NPAS3: variants seen among roughly 807,000 people sequenced by gnomAD.
NPAS3 encodes neuronal PAS domain protein 3, also known as neuronal PAS domain-containing protein 3.
A neutral mutation model predicts 73.1 loss-of-function variants in NPAS3; 14 were observed. That is an observed-to-expected ratio of 0.19 (90% CI 0.13 to 0.30). The LOEUF is 0.30. NPAS3 is among the 10% of genes least tolerant of loss of function. The pLI is 1.00. For missense variants in NPAS3, 1,096 were observed against 1,250.0 expected (o/e 0.88, Z 1.86); for synonymous variants, 620 against 541.5 (o/e 1.14, Z -2.01).
chr14:33,439,938 AC>A (rs2049165444), intron 4 of NPAS3, among the ~76,000 whole-genome samples: 1 of 151,766 alleles, frequency 6.6e-6, no homozygotes, highest in Non-Finnish European at 1.5e-5. Context: ...ACAGGGTGAA[AC>A]CCCGTCTCTA....
chr14:33,150,502 A>G (rs1190380048), intron 2 of NPAS3, among the ~76,000 whole-genome samples: 3 of 152,206 alleles, frequency 2.0e-5, no homozygotes, highest in African/African-American at 7.2e-5. Context: ...ATCATCTGGG[A>G]AATATTTTGA....
chr14:33,089,879 T>C (rs867435094), intron 2 of NPAS3, among the ~76,000 whole-genome samples: 28 of 152,246 alleles, frequency 1.8e-4, no homozygotes, highest in Middle Eastern at 3.4e-3. Context: ...CAACCTAAAA[T>C]TTCATATCCA....
At chr14:33,164,769 T>A (rs1595585530) in intron 2 of NPAS3, among the ~76,000 whole-genome samples, 1 of 151,918 alleles carries the variant, frequency 6.6e-6, no homozygotes, top group Non-Finnish European at 1.5e-5. Context: ...TACCCAGAGC[T>A]AGTAAGAGGC....
At chr14:32,971,936 C>CTTTTTTTTTTTTTTTTTTTTTTTTT (rs66998179) in intron 1 of NPAS3, among the ~76,000 whole-genome samples, 1 of 112,954 alleles carries the variant, frequency 8.9e-6, no homozygotes, top group Non-Finnish European at 1.8e-5. Flanking sequence ...CAGTGGGACT[C>CTTTTTTTTTTTTTTTTTTTTTTTTT]TTTTTTTTTT....
At chr14:32,945,499 A>T (rs1237833945) in intron 1 of NPAS3, among the ~76,000 whole-genome samples, 1 of 152,148 alleles carries the variant, frequency 6.6e-6, no homozygotes, top group East Asian at 1.9e-4. Context: ...GCATGAGAAA[A>T]TAGAGGTTTA....
chr14:33,288,933 C>T (rs1173270581), intron 3 of NPAS3, among the ~76,000 whole-genome samples: 1 of 152,032 alleles, frequency 6.6e-6, no homozygotes, highest in Admixed American at 6.6e-5. Flanking sequence ...TAGCACAGTG[C>T]CTGGCATATA....
chr14:33,696,878 T>A lies in NPAS3; in HGVS notation c.733+20493T>A, dbSNP rs1014204200. Among the ~76,000 whole-genome samples the A allele has an allele frequency of 7.2e-5, 11 of 152,322 alleles. No homozygotes were observed. In the East Asian group the frequency reaches 2.1e-3, roughly 29 times the overall value. The stretch of plus-strand genomic sequence containing the variant: ...CCCTGCATCTAGAATCTGCTGAACA[T>A]GCGCTGCAAAAGCATTACTTACTTC... On this transcript the variant is annotated intron_variant, in intron 6 of 11. Transcript: ENST00000356141.
chr14:33,609,448 T>A (rs2057682552), intron 5 of NPAS3, among the ~76,000 whole-genome samples: 1 of 152,156 alleles, frequency 6.6e-6, no homozygotes, highest in South Asian at 2.1e-4. Context: ...CATGGGTTAT[T>A]CCCTTTTTCC....
intron 4 of NPAS3, among the ~76,000 whole-genome samples, chr14:33,545,508 G>C (rs1318332505): frequency 6.6e-6 from 1 of 152,198 alleles, no homozygotes; most frequent in African/African-American, 2.4e-5. Context: ...AGAAAACAGT[G>C]AAGTTGTTAA....
intron 1 of NPAS3, among the ~76,000 whole-genome samples, chr14:33,012,587 C>T (rs938912822): frequency 2.6e-5 from 4 of 151,056 alleles, no homozygotes; most frequent in Admixed American, 6.6e-5. Context: ...CTCGCTCTCT[C>T]GCCTGGGCTG....
intron 2 of NPAS3, among the ~76,000 whole-genome samples, chr14:33,185,565 G>T (rs1035957697): frequency 6.6e-6 from 1 of 152,048 alleles, no homozygotes; most frequent in African/African-American, 2.4e-5. Context: ...TAGGAATGGT[G>T]GTAAGGATTC....
chr14:33,305,852 T>C (rs2042734095), intron 3 of NPAS3, among the ~76,000 whole-genome samples: 1 of 152,172 alleles, frequency 6.6e-6, no homozygotes, highest in Admixed American at 6.5e-5. Flanking sequence ...ACACTATAAT[T>C]TTAAAGAAAA....
At chr14:33,488,796 C>T (rs1378667126) in intron 4 of NPAS3, among the ~76,000 whole-genome samples, 7 of 152,130 alleles carry the variant, frequency 4.6e-5, no homozygotes, top group East Asian at 1.9e-4. Flanking sequence ...TGGAGAAATG[C>T]GCTTTAGTTT....
intron 5 of NPAS3, among the ~76,000 whole-genome samples, chr14:33,655,690 G>C (rs2059125591): frequency 6.6e-6 from 1 of 152,048 alleles, no homozygotes; most frequent in Non-Finnish European, 1.5e-5. Flanking sequence ...CTTCATTGTT[G>C]TTTGCTTTCG....
At position 33,671,546 on chromosome 14, in the gene NPAS3, A is replaced by G. The variant is rs12232234; in HGVS notation, c.559-4665A>G. ...ACTATGGCTTGTCCTGGAGGAATCT[A>G]TGGTAACATTGGGCAGGGAAAGGCA... On this transcript the variant is annotated intron_variant, in intron 5 of 11. Coordinates refer to ENST00000356141, the Ensembl canonical transcript of NPAS3. 4.1e-3 allele frequency among the ~76,000 whole-genome samples: 624 copies of G among 152,284 alleles called. 30 individuals are homozygous for G. The East Asian group carries it at 0.11, about 26-fold the overall frequency.
chr14:33,178,623 T>C (rs986761003), intron 2 of NPAS3, among the ~76,000 whole-genome samples: 1 of 152,216 alleles, frequency 6.6e-6, no homozygotes, highest in African/African-American at 2.4e-5. Context: ...TTTGCAGTGT[T>C]CATTCCCAGT....
intron 9 of NPAS3, among the ~76,000 whole-genome samples, chr14:33,793,228 C>T (rs538944506): frequency 6.6e-6 from 1 of 152,328 alleles, no homozygotes; most frequent in African/African-American, 2.4e-5. Flanking sequence ...CTCTGTTTGG[C>T]TCCAGCCAAG....
chr14:33,675,187 T>C (rs1355801819), intron 5 of NPAS3, among the ~76,000 whole-genome samples: 1 of 151,954 alleles, frequency 6.6e-6, no homozygotes, highest in African/African-American at 2.4e-5. Context: ...AAAGAGCTTT[T>C]GCTTGTCCTA....
intron 3 of NPAS3, among the ~76,000 whole-genome samples, chr14:33,274,359 A>T (rs1179896035): frequency 6.6e-6 from 1 of 152,194 alleles, no homozygotes; most frequent in Non-Finnish European, 1.5e-5. Context: ...TCTCAAGGTA[A>T]ACATGTCCGT....
Sources: gnomAD v4.1 joint callset for allele counts (sites outside exome capture counted in the v4.1 genomes callset) on GRCh38, gnomAD v4.1.1 for gene constraint, MANE v1.5 for transcripts, NCBI Gene and HGNC (gene_info 2026-07-23, HGNC 2026-07-21) for gene names.